The following HDAC9 variants were observed in gnomAD, a reference collection of about 807,000 sequenced individuals.
HDAC9 encodes the protein histone deacetylase 9.
HDAC9 carries 41 observed loss-of-function variants against 139.4 expected under a neutral mutation model. That is an observed-to-expected ratio of 0.29 (90% CI 0.23 to 0.38). The LOEUF is 0.38. Ranked by LOEUF, HDAC9 falls within the 10% of genes least tolerant of loss-of-function variation. The probability of loss-of-function intolerance (pLI) is 1.00; values close to 1 mark genes in which losing one functional copy is unlikely to be tolerated. For synonymous variants in HDAC9, 517 were observed against 476.2 expected (o/e 1.09, Z -1.12); for missense variants, 1,147 against 1,297.0 (o/e 0.88, Z 1.78).
chr7:18,821,020 C>A (rs1794926884), intron 17 of HDAC9, among the ~76,000 whole-genome samples: 1 of 152,148 alleles, frequency 6.6e-6, no homozygotes, highest in Non-Finnish European at 1.5e-5. Context: ...AAGGTGCCAG[C>A]AGATTTGATT....
In HDAC9 at chr7:18,687,817, AG is replaced by A. The variant is rs570844131; in HGVS notation, c.1731+21344del. Among the ~76,000 whole-genome samples, 8 of 151,940 alleles carry A rather than the reference AG, an allele frequency of 5.3e-5. No individual in the cohort carries two copies. The East Asian group carries it at 1.6e-3, about 30-fold the overall frequency. On this transcript the variant is annotated intron_variant, in intron 12 of 25. Coordinates refer to ENST00000686413, the MANE Select transcript of HDAC9 (RefSeq NM_178425.4). The stretch of plus-strand genomic sequence containing the variant: ...ACATATTTTATTATGTTTTTTCACA[AG>A]GGAAACATTTTTCTTCATTGTATAT...
At chr7:18,796,703 T>C (rs769186548) in intron 17 of HDAC9, among the ~76,000 whole-genome samples, 1 of 152,180 alleles carries the variant, frequency 6.6e-6, no homozygotes, top group Non-Finnish European at 1.5e-5. Context: ...GAAATCATAA[T>C]TGGAAGAATA....
chr7:18,814,718 C>G (rs140516218), intron 17 of HDAC9, among the ~76,000 whole-genome samples: 7 of 152,048 alleles, frequency 4.6e-5, no homozygotes, highest in Non-Finnish European at 1.0e-4. Context: ...ATTCAATTGC[C>G]TAGTTTTTAC....
intron 16 of HDAC9, among the ~76,000 whole-genome samples, chr7:18,770,153 A>G (rs1476793118): frequency 6.6e-6 from 1 of 152,136 alleles, no homozygotes; most frequent in Non-Finnish European, 1.5e-5. Flanking sequence ...TCAGTGGATA[A>G]ATGGTATTTA....
At chr7:18,105,632 C>T (rs557532954) in intron 1 of HDAC9, among the ~76,000 whole-genome samples, 117 of 151,080 alleles carry the variant, frequency 7.7e-4, no homozygotes, top group African/African-American at 2.8e-3. Context: ...ATTTCAAACT[C>T]TGGTGTTGGT....
At chr7:18,142,908 C>T (rs959794998) in intron 1 of HDAC9, among the ~76,000 whole-genome samples, 2 of 152,226 alleles carry the variant, frequency 1.3e-5, no homozygotes, top group African/African-American at 4.8e-5. Flanking sequence ...AGGGAGCCTC[C>T]TTCCTTATAA....
intron 14 of HDAC9, among the ~76,000 whole-genome samples, chr7:18,754,070 G>A (rs1788679642): frequency 1.3e-5 from 2 of 152,096 alleles, no homozygotes; most frequent in African/African-American, 4.8e-5. Flanking sequence ...TTAGATTACA[G>A]TGGTTACATG....
chr7:18,525,572 A>G (rs1231838062), intron 2 of HDAC9, among the ~76,000 whole-genome samples: 2 of 152,144 alleles, frequency 1.3e-5, no homozygotes, highest in Non-Finnish European at 2.9e-5. Flanking sequence ...ATTTTTGTAA[A>G]CTGCATTGCT....
At chr7:18,828,330 T>C (rs6951522) in intron 17 of HDAC9, among the ~76,000 whole-genome samples, 60,306 of 152,026 alleles carry the variant, frequency 0.4, 12,125 homozygotes, top group South Asian at 0.5. Flanking sequence ...ATGTGATAAA[T>C]GATTACTTCA....
chr7:18,864,802 G>C (rs1043782067), intron 21 of HDAC9, among the ~76,000 whole-genome samples: 1 of 152,046 alleles, frequency 6.6e-6, no homozygotes, highest in Non-Finnish European at 1.5e-5. Flanking sequence ...TCCCTGGAAA[G>C]ATGAAAAAGT....
Position 18,724,328 on chromosome 7 carries a change from T to G in HDAC9, c.1732-3252T>G, listed in dbSNP as rs140943820. Among the ~76,000 whole-genome samples, 317 of 152,272 alleles carry G rather than the reference T, an allele frequency of 2.1e-3. 2 individuals are homozygous for G. The highest frequency in any genetic ancestry group is 7.3e-3 in the African/African-American group (305 of 41,566). ...CCTAGGCCATATATGATAGCTTACTTTTCCTAGCCTACAAACCTGTACAGC... is the reference window on the plus strand; with the variant it reads ...CCTAGGCCATATATGATAGCTTACTGTTCCTAGCCTACAAACCTGTACAGC... On this transcript the variant is annotated intron_variant, in intron 12 of 25. Transcript: ENST00000686413.
chr7:18,455,611 T>C (rs1793273969), intron 1 of HDAC9, among the ~76,000 whole-genome samples: 1 of 152,200 alleles, frequency 6.6e-6, no homozygotes, highest in Non-Finnish European at 1.5e-5. Context: ...AAGGATGGAT[T>C]GAAGCACAAA....
chr7:18,894,333 A>T (rs886643059), intron 22 of HDAC9, among the ~76,000 whole-genome samples: 1 of 152,122 alleles, frequency 6.6e-6, no homozygotes, highest in South Asian at 2.1e-4. Context: ...ACATTATGAC[A>T]TTGGAGCCAT....
Position 18,540,222 on chromosome 7 carries a change from G to A in HDAC9, c.22+43898G>A, listed in dbSNP as rs575494978. ...CGGGAAGCGGAGGTTGCAGTGAGCCGAGATCTCACCACTGCACTCCAGCCT... is the reference window on the plus strand; with the variant it reads ...CGGGAAGCGGAGGTTGCAGTGAGCCAAGATCTCACCACTGCACTCCAGCCT... On this transcript the variant is annotated intron_variant, in intron 2 of 25. Transcript: ENST00000686413. Among the ~76,000 whole-genome samples, 13 of 138,368 alleles carry A rather than the reference G, an allele frequency of 9.4e-5. 1 individual carries two copies. The Middle Eastern group carries it at 0.012, about 132-fold the overall frequency. The allele number at this position is 138,368 out of a possible 152,430, so 90.8% of individuals were successfully genotyped here.
At chr7:18,671,136 C>T (rs1795652442) in intron 12 of HDAC9, among the ~76,000 whole-genome samples, 2 of 152,062 alleles carry the variant, frequency 1.3e-5, no homozygotes, top group Admixed American at 6.6e-5. Flanking sequence ...GCCATCAGGA[C>T]GCTGCCTTTT....
At chr7:18,669,350 A>G (rs979132413) in intron 12 of HDAC9, among the ~76,000 whole-genome samples, 7 of 151,974 alleles carry the variant, frequency 4.6e-5, no homozygotes, top group Middle Eastern at 3.4e-3. Context: ...ACAGCACATA[A>G]ATTTAAAGAG....
chr7:18,711,840 G>T (rs1021192596), intron 12 of HDAC9, among the ~76,000 whole-genome samples: 1 of 152,040 alleles, frequency 6.6e-6, no homozygotes, highest in Non-Finnish European at 1.5e-5. Flanking sequence ...AGCTCAAATA[G>T]CCATTCACCA....
intron 1 of HDAC9, among the ~76,000 whole-genome samples, chr7:18,369,749 A>G (rs1045865039): frequency 6.6e-6 from 1 of 152,108 alleles, no homozygotes; most frequent in South Asian, 2.1e-4. Context: ...AAGTGTTTCA[A>G]GGTCCATCAA....
chr7:18,944,937 C>A (rs1782270179), intron 23 of HDAC9, among the ~76,000 whole-genome samples: 1 of 152,124 alleles, frequency 6.6e-6, no homozygotes, highest in South Asian at 2.1e-4. Context: ...AGTTTATTTA[C>A]ATATTCTGCT....
Sources: allele counts gnomAD v4.1 joint callset (sites outside exome capture counted in the v4.1 genomes callset), GRCh38; gene constraint gnomAD v4.1.1; transcripts MANE v1.5; gene names NCBI Gene and HGNC (gene_info 2026-07-23, HGNC 2026-07-21).